CTNNA2: variants seen among roughly 807,000 people sequenced by gnomAD.
The protein encoded by CTNNA2 is catenin alpha-2.
CTNNA2 carries 42 observed loss-of-function variants against 101.0 expected under a neutral mutation model. The observed-to-expected ratio is 0.42, with a 90% CI of 0.32 to 0.54. The LOEUF is 0.54. Among genes scored for constraint, CTNNA2 ranks in the 20% least tolerant of loss-of-function variants. CTNNA2 has a pLI of 0.14. For synonymous variants in CTNNA2, 450 were observed against 456.4 expected (o/e 0.99, Z 0.18); for missense variants, 871 against 1,223.1 (o/e 0.71, Z 4.29).
chr2:80,477,201 A>G (rs916360077), intron 9 of CTNNA2, among the ~76,000 whole-genome samples: 4 of 152,196 alleles, frequency 2.6e-5, no homozygotes, highest in African/African-American at 9.6e-5. Flanking sequence ...ACATACATAC[A>G]CAGAAGCATA....
chr2:80,201,637 A>G (rs1005059247), intron 7 of CTNNA2, among the ~76,000 whole-genome samples: 12 of 151,800 alleles, frequency 7.9e-5, no homozygotes, highest in African/African-American at 2.9e-4. Context: ...GGCCTCCCAA[A>G]GTGCTGGGAT....
rs555707124 is a variant in CTNNA2 at position 79,553,254 on chromosome 2, T to C, written c.-6+40047T>C. 7.4e-4 allele frequency among the ~76,000 whole-genome samples: 112 copies of C among 152,300 alleles called. 2 individuals are homozygous for C. The Middle Eastern group carries it at 0.024, about 32-fold the overall frequency. On this transcript the variant is annotated intron_variant, in intron 1 of 18. Coordinates refer to ENST00000402739, the MANE Select transcript of CTNNA2 (RefSeq NM_001282597.3). Reference sequence around the variant, plus strand: ...GAGACCTCATCAGCTTGGCCATCTCTGTCCATATCACTATCAGTATTTTTG... The same window carrying C: ...GAGACCTCATCAGCTTGGCCATCTCCGTCCATATCACTATCAGTATTTTTG...
intron 4 of CTNNA2, among the ~76,000 whole-genome samples, chr2:79,422,405 A>C (rs190157699): frequency 1.3e-5 from 2 of 151,936 alleles, no homozygotes; most frequent in African/African-American, 4.8e-5. Context: ...GAGCCCAGGC[A>C]TGCTGCTAAA....
chr2:79,884,180 T>C (rs1574223262), intron 6 of CTNNA2, among the ~76,000 whole-genome samples: 1 of 152,220 alleles, frequency 6.6e-6, no homozygotes, highest in East Asian at 1.9e-4. Flanking sequence ...GCTTTCTTTC[T>C]CCCAACTTGC....
chr2:80,205,235 A>T (rs1378083361), intron 7 of CTNNA2, among the ~76,000 whole-genome samples: 1 of 152,206 alleles, frequency 6.6e-6, no homozygotes, highest in South Asian at 2.1e-4. Context: ...TTGTATTTTG[A>T]TCCCAGGGAA....
At chr2:80,298,182 G>A (rs543450923) in intron 7 of CTNNA2, 1 of 151,070 alleles carries the variant, frequency 6.6e-6, no homozygotes, top group East Asian at 1.9e-4. Flanking sequence ...CCTTTTTTTT[G>A]ACATTCTAAA....
chr2:79,641,325 G>C (rs1482765822), intron 1 of CTNNA2, among the ~76,000 whole-genome samples: 1 of 152,154 alleles, frequency 6.6e-6, no homozygotes, highest in Non-Finnish European at 1.5e-5. Flanking sequence ...GAAGAATTGA[G>C]ATATATAGTT....
chr2:80,544,862 A>G (rs1691902017), intron 9 of CTNNA2, 120 bp from the exon 10 acceptor site: 7 of 784,002 alleles, frequency 8.9e-6, no homozygotes, highest in Middle Eastern at 2.4e-4. Flanking sequence ...GGGTACCCTT[A>G]TCTTATTTCT....
chr2:80,287,307 T>C lies in CTNNA2; in HGVS notation c.1057-105904T>C, dbSNP rs141396631. 2.6e-4 allele frequency among the ~76,000 whole-genome samples: 40 copies of C among 152,304 alleles called. No homozygotes were observed. The East Asian group carries it at 6.6e-3, about 25-fold the overall frequency. On this transcript the variant is annotated intron_variant, in intron 7 of 18. Transcript: ENST00000402739. Reference sequence around the variant, plus strand: ...TTTGGGTACATCAGAAAGACTACCATCTTCCCCCCTCCCGTGATACCTTAT... The same window carrying C: ...TTTGGGTACATCAGAAAGACTACCACCTTCCCCCCTCCCGTGATACCTTAT...
At chr2:80,242,896 T>C (rs551098150) in intron 7 of CTNNA2, among the ~76,000 whole-genome samples, 4 of 152,124 alleles carry the variant, frequency 2.6e-5, no homozygotes, top group Non-Finnish European at 5.9e-5. Flanking sequence ...GTCCAGGCTA[T>C]GGGTTTTCAC....
chr2:80,293,045 A>G (rs868230001), intron 7 of CTNNA2, among the ~76,000 whole-genome samples: 1 of 152,352 alleles, frequency 6.6e-6, no homozygotes, highest in Middle Eastern at 3.4e-3. Flanking sequence ...TAAAAATTTA[A>G]TAAAATAAAA....
chr2:79,750,611 C>T (rs1671960546), intron 3 of CTNNA2, among the ~76,000 whole-genome samples: 1 of 152,108 alleles, frequency 6.6e-6, no homozygotes, highest in Non-Finnish European at 1.5e-5. Context: ...GCCTATAATC[C>T]CAGCACTTTG....
At chr2:79,723,279 A>G (rs759338215) in intron 2 of CTNNA2, among the ~76,000 whole-genome samples, 3 of 151,988 alleles carry the variant, frequency 2.0e-5, no homozygotes, top group Non-Finnish European at 2.9e-5. Flanking sequence ...AAAATCTACT[A>G]TTTTCTTTGG....
chr2:79,994,007 G>A (rs1394707234), intron 7 of CTNNA2, among the ~76,000 whole-genome samples: 2 of 152,036 alleles, frequency 1.3e-5, no homozygotes, highest in South Asian at 2.1e-4. Context: ...AGACTGAAAC[G>A]ATACTCCCGC....
chr2:80,230,943 G>T (rs1387675182), intron 7 of CTNNA2, among the ~76,000 whole-genome samples: 1 of 149,938 alleles, frequency 6.7e-6, no homozygotes, highest in Non-Finnish European at 1.5e-5. Context: ...GACGTAGAAT[G>T]ATTGTGTTCC....
intron 3 of CTNNA2, among the ~76,000 whole-genome samples, chr2:79,317,929 A>G (rs997511987): frequency 6.6e-6 from 1 of 152,102 alleles, no homozygotes; most frequent in Non-Finnish European, 1.5e-5. Flanking sequence ...TTAAATATCT[A>G]CATATTAATG....
intron 7 of CTNNA2, among the ~76,000 whole-genome samples, chr2:80,190,655 A>G (rs549386079): frequency 1.7e-4 from 26 of 152,276 alleles, no homozygotes; most frequent in African/African-American, 5.8e-4. Flanking sequence ...TATCAGGTGC[A>G]TTTACCCTTC....
intron 2 of CTNNA2, among the ~76,000 whole-genome samples, chr2:79,247,381 C>A (rs531780387): frequency 6.6e-6 from 1 of 152,114 alleles, no homozygotes; most frequent in African/African-American, 2.4e-5. Context: ...CTTGAAAGTA[C>A]CACATTTAAG....
intron 13 of CTNNA2, among the ~76,000 whole-genome samples, chr2:80,574,867 G>A (rs749251957): frequency 6.6e-6 from 1 of 152,116 alleles, no homozygotes; most frequent in Non-Finnish European, 1.5e-5. Context: ...AGGTAGGTGT[G>A]TCTTCCAAAA....
Sources: gnomAD v4.1 joint callset for allele counts (sites outside exome capture counted in the v4.1 genomes callset) on GRCh38, gnomAD v4.1.1 for gene constraint, MANE v1.5 for transcripts, NCBI Gene and HGNC (gene_info 2026-07-23, HGNC 2026-07-21) for gene names.